C8A: variants seen among roughly 807,000 people sequenced by gnomAD.
C8A encodes complement C8 alpha chain, also known as complement component C8 alpha chain.
Under a neutral mutation model 65.3 loss-of-function variants are expected in C8A, and 67 were observed. The ratio of observed to expected loss-of-function variants is 1.03; its 90% CI spans 0.84 to 1.26. The LOEUF (loss-of-function observed/expected upper bound fraction) is 1.26, where lower values mean the gene tolerates loss of function less well. Among genes scored for constraint, C8A ranks in the 50% most tolerant of loss-of-function variants. The pLI, the probability that C8A is intolerant of heterozygous loss-of-function variation, is 0.00. For synonymous variants in C8A, 290 were observed against 259.4 expected, an observed-to-expected ratio of 1.12 and a Z score of -1.13; for missense variants, 781 against 723.9, an observed-to-expected ratio of 1.08 and a Z score of -0.90.
intron 7 of C8A, among the ~76,000 whole-genome samples, chr1:56,902,081 G>A (rs370167566): frequency 1.3e-5 from 2 of 152,220 alleles, no homozygotes; most frequent in African/African-American, 4.8e-5. Flanking sequence ...TTAAAAGATC[G>A]CTGGTCTTTT....
intron 2 of C8A, among the ~76,000 whole-genome samples, chr1:56,872,313 A>G (rs569804817): frequency 1.3e-5 from 2 of 152,362 alleles, no homozygotes; most frequent in Non-Finnish European, 1.5e-5. Context: ...TATGCCATGC[A>G]TAATGTCCTT....
intron 7 of C8A, among the ~76,000 whole-genome samples, 163 bp downstream of exon 7, chr1:56,886,330 C>A (rs903954522): frequency 2.0e-5 from 3 of 152,112 alleles, no homozygotes; most frequent in African/African-American, 7.2e-5. Flanking sequence ...GAACTGAGAT[C>A]CAGAAGAGTG....
At chr1:56,887,292 A>G (rs1644307430) in intron 7 of C8A, among the ~76,000 whole-genome samples, 1 of 152,146 alleles carries the variant, frequency 6.6e-6, no homozygotes, top group African/African-American at 2.4e-5. Context: ...ATTTTCCACA[A>G]TGGCTAAACT....
intron 2 of C8A, among the ~76,000 whole-genome samples, chr1:56,872,444 A>C (rs1232627585): frequency 6.6e-6 from 1 of 152,188 alleles, no homozygotes; most frequent in Non-Finnish European, 1.5e-5. Flanking sequence ...TAAAGGAAAA[A>C]TACAGAAAAA....
intron 1 of C8A, among the ~76,000 whole-genome samples, chr1:56,859,974 A>G (rs1644015115): frequency 6.6e-6 from 1 of 152,196 alleles, no homozygotes. Context: ...GAGGCACGAG[A>G]ATTGCTTGAA....
At chr1:56,868,747 C>G (rs1644115846) in intron 2 of C8A, among the ~76,000 whole-genome samples, 1 of 152,194 alleles carries the variant, frequency 6.6e-6, no homozygotes. Context: ...CACTCACTGC[C>G]TGAACCTTGT....
intron 5 of C8A, among the ~76,000 whole-genome samples, chr1:56,883,254 C>T (rs1028555090): frequency 6.6e-6 from 1 of 150,954 alleles, no homozygotes; most frequent in Non-Finnish European, 1.5e-5. Context: ...TGTGCAAGCA[C>T]ATGTGGTGTG....
At chr1:56,888,037 C>T (rs927622973) in intron 7 of C8A, among the ~76,000 whole-genome samples, 2 of 152,128 alleles carry the variant, frequency 1.3e-5, no homozygotes, top group Admixed American at 6.5e-5. Context: ...ATGTAGATGA[C>T]GGGTTGATGG....
In C8A at chr1:56,885,836, C is replaced by T. The variant is rs1644295188; in HGVS notation, c.856-91C>T. On this transcript the variant is annotated intron_variant, in intron 6 of 10. Transcript: ENST00000361249. ...AAATGCTGGGATTACAGGCATGAGC[C>T]ACTGCACCCAGAGACCTTTTGCATT... 27 of 1,564,280 alleles carry T rather than the reference C, an allele frequency of 1.7e-5. No individual in the cohort carries two copies. The South Asian group carries it at 3.0e-4, about 18-fold the overall frequency.
At chr1:56,886,307 T>A in intron 7 of C8A, 140 bp downstream of exon 7, 1 of 984,226 alleles carries the variant, frequency 1.0e-6, no homozygotes, top group Non-Finnish European at 1.6e-6. Context: ...GCATAAGTAT[T>A]ATTACTCCCA....
intron 2 of C8A, among the ~76,000 whole-genome samples, chr1:56,872,416 T>C (rs988576397): frequency 6.6e-6 from 1 of 151,958 alleles, no homozygotes; most frequent in African/African-American, 2.4e-5. Flanking sequence ...TCAAATAACA[T>C]GTAACATTAG....
intron 8 of C8A, among the ~76,000 whole-genome samples, chr1:56,907,291 C>T (rs1483949338): frequency 1.3e-5 from 2 of 152,054 alleles, no homozygotes; most frequent in African/African-American, 2.4e-5. Context: ...GAGTTTTTTT[C>T]CCCAAGTGGG....
chr1:56,857,019 G>A (rs1185654088), intron 1 of C8A, among the ~76,000 whole-genome samples: 2 of 151,930 alleles, frequency 1.3e-5, no homozygotes, highest in Non-Finnish European at 2.9e-5. Flanking sequence ...AATTTGCTTA[G>A]AAGTTTTAAT....
rs370577992 is a variant in C8A at position 56,906,791 on chromosome 1, T to C, written c.1221T>C (p.Thr407=). 3.7e-6 allele frequency: 6 copies of C among 1,614,090 alleles called. No homozygotes were observed. The highest frequency in any genetic ancestry group is 1.3e-5 in the African/African-American group (1 of 75,050). ...GTAAAAAATTTGGAGGTGGCAAAACTGGCAAGTGTTTAGTAATAGATCTCC... is the reference window on the plus strand; with the variant it reads ...GTAAAAAATTTGGAGGTGGCAAAACCGGCAAGTGTTTAGTAATAGATCTCC... The part of the protein sequence containing the change: ...DHCKKFGGGK[T]ERARKAMAVE... The change falls in exon 8 of 11, where the codon ACT becomes ACC. Residue 407 remains threonine, a splice_region_variant and synonymous_variant. Coordinates refer to ENST00000361249, the MANE Select transcript of C8A (RefSeq NM_000562.3).
At chr1:56,912,123 C>T (rs1644512568) in intron 9 of C8A, among the ~76,000 whole-genome samples, 1 of 152,174 alleles carries the variant, frequency 6.6e-6, no homozygotes, top group African/African-American at 2.4e-5. Flanking sequence ...CTTTTAACTG[C>T]CCCTCTCTAA....
At chr1:56,893,031 A>G (rs1400446270) in intron 7 of C8A, among the ~76,000 whole-genome samples, 1 of 152,142 alleles carries the variant, frequency 6.6e-6, no homozygotes, top group Non-Finnish European at 1.5e-5. Flanking sequence ...CTGCCACCAT[A>G]TCAAAGACAG....
chr1:56,876,002 T>C (rs1644194378), intron 3 of C8A, 60 bp from the exon 4 acceptor site: 9 of 1,588,680 alleles, frequency 5.7e-6, no homozygotes, highest in Non-Finnish European at 7.7e-6. Flanking sequence ...TTACTGATTG[T>C]GGGTGTGAGT....
chr1:56,912,591 C>G lies in C8A; in HGVS notation c.1569C>G (p.Ser523Arg). The G allele has an allele frequency of 6.2e-6, 10 of 1,614,196 alleles. No individual in the cohort carries two copies. The highest frequency in any genetic ancestry group is 7.6e-6 in the Non-Finnish European group (9 of 1,180,038). ...GCAGGTGCCAGTGCCGCCTGGGTAG[C>G]TTGGGTGCTGCCTGTGAGCAAACAC... ...TSCRCQCRLG[S>R]LGAACEQTQT... is the part of the protein sequence containing the mutation. The change falls in exon 10 of 11, where the codon AGC (serine) becomes AGG (arginine). Residue 523 changes from serine (S) to arginine (R), a missense_variant. Coordinates refer to ENST00000361249, the MANE Select transcript of C8A (RefSeq NM_000562.3).
At chr1:56,905,934 T>C (rs951999219) in intron 7 of C8A, among the ~76,000 whole-genome samples, 1 of 152,208 alleles carries the variant, frequency 6.6e-6, no homozygotes, top group Admixed American at 6.5e-5. Context: ...GCTTTGAGAA[T>C]TATTTTCCTC....
Sources: allele counts gnomAD v4.1 joint callset (sites outside exome capture counted in the v4.1 genomes callset), GRCh38; gene constraint gnomAD v4.1.1; transcripts MANE v1.5; gene names NCBI Gene and HGNC (gene_info 2026-07-23, HGNC 2026-07-21).